MED12L: variants seen among roughly 807,000 people sequenced by gnomAD.
The protein encoded by MED12L is mediator of RNA polymerase II transcription subunit 12-like protein.
Under a neutral mutation model 281.3 loss-of-function variants are expected in MED12L, and 60 were observed. The ratio of observed to expected loss-of-function variants is 0.21; its 90% CI spans 0.17 to 0.26. The LOEUF is 0.26. Among genes scored for constraint, MED12L ranks in the 10% least tolerant of loss-of-function variants. The pLI, the probability that MED12L is intolerant of heterozygous loss-of-function variation, is 1.00. For synonymous variants in MED12L, 974 were observed against 987.2 expected (o/e 0.99, Z 0.25); for missense variants, 2,146 against 2,680.9 (o/e 0.80, Z 4.41).
Position 151,350,284 on chromosome 3 carries a change from C to A in MED12L, c.2398+78C>A, listed in dbSNP as rs573808295. On this transcript the variant is annotated intron_variant, in intron 17 of 44. Coordinates refer to ENST00000687756, the MANE Select transcript of MED12L (RefSeq NM_001393769.1). ...TGAGCACAGTCTTTATCAAAGTGTT[C>A]TATGTCACTGTCAACAGAGCGTTTC... The A allele has an allele frequency of 2.8e-6, 4 of 1,411,612 alleles. No individual in the cohort carries two copies. In the African/African-American group the frequency reaches 5.7e-5, roughly 20 times the overall value. 87.4% of individuals were successfully genotyped at this position (1,411,612 alleles called of 1,614,324 possible).
chr3:151,246,231 A>G (rs536854239), intron 16 of MED12L, among the ~76,000 whole-genome samples: 1 of 152,346 alleles, frequency 6.6e-6, no homozygotes, highest in South Asian at 2.1e-4. Flanking sequence ...ATCCCCATCA[A>G]GCTACCAATG....
intron 16 of MED12L, among the ~76,000 whole-genome samples, chr3:151,225,555 C>T (rs1173309474): frequency 6.6e-6 from 1 of 152,122 alleles, no homozygotes; most frequent in African/African-American, 2.4e-5. Context: ...CTCTTAATGC[C>T]GTCACAATGG....
At chr3:151,291,778 C>T (rs1232252352) in intron 16 of MED12L, among the ~76,000 whole-genome samples, 1 of 151,856 alleles carries the variant, frequency 6.6e-6, no homozygotes, top group Non-Finnish European at 1.5e-5. Context: ...TTTCATTGGC[C>T]TGGATAAATA....
At chr3:151,246,548 TG>T (rs1404920097) in intron 16 of MED12L, among the ~76,000 whole-genome samples, 2 of 152,122 alleles carry the variant, frequency 1.3e-5, no homozygotes, top group African/African-American at 2.4e-5. Flanking sequence ...TAAATGGTGC[TG>T]GGAAAACTGG....
chr3:151,383,991 A>C (rs1167919921), intron 34 of MED12L, 92 bp from the exon 35 acceptor site: 3 of 1,496,786 alleles, frequency 2.0e-6, no homozygotes, highest in Non-Finnish European at 2.7e-6. Flanking sequence ...CTTGGATGCT[A>C]TTAAAAATTC....
intron 19 of MED12L, 27 bp downstream of exon 19, chr3:151,356,066 C>T (rs1236254872): frequency 1.3e-6 from 2 of 1,594,270 alleles, no homozygotes; most frequent in Admixed American, 3.6e-5. Context: ...GTTTCTCTTA[C>T]TTTTAGGAAA....
At chr3:151,163,321 A>G (rs952944374) in intron 8 of MED12L, among the ~76,000 whole-genome samples, 1 of 152,204 alleles carries the variant, frequency 6.6e-6, no homozygotes, top group African/African-American at 2.4e-5. Flanking sequence ...TTTTTAATGC[A>G]TTATTAAAAC....
chr3:151,183,991 AGAGTG>A (rs1321231992), intron 11 of MED12L, among the ~76,000 whole-genome samples: 1 of 152,224 alleles, frequency 6.6e-6, no homozygotes, highest in Non-Finnish European at 1.5e-5. Flanking sequence ...CATATAGGTT[AGAGTG>A]AATCTGGGCA....
chr3:151,370,237 G>T (rs1205962135), intron 26 of MED12L, among the ~76,000 whole-genome samples: 2 of 152,234 alleles, frequency 1.3e-5, no homozygotes, highest in Admixed American at 6.5e-5. Context: ...TAAAGGCTTT[G>T]AATGATTAGG....
At chr3:151,257,606 ATT>A (rs1738070389) in intron 16 of MED12L, among the ~76,000 whole-genome samples, 1 of 152,200 alleles carries the variant, frequency 6.6e-6, no homozygotes, top group South Asian at 2.1e-4. Context: ...AAAAATAAAT[ATT>A]GTCTGTCATC....
intron 38 of MED12L, among the ~76,000 whole-genome samples, chr3:151,390,466 A>C (rs2108223457): frequency 6.6e-6 from 1 of 152,354 alleles, no homozygotes; most frequent in East Asian, 1.9e-4. Flanking sequence ...GGCATTTTAA[A>C]AGATTACACA....
chr3:151,329,483 T>A (rs1451516284), intron 16 of MED12L: 1 of 1,542,752 alleles, frequency 6.5e-7, no homozygotes, highest in Admixed American at 2.0e-5. Flanking sequence ...AAATTCACCT[T>A]TGGGAGGATA....
chr3:151,146,409 CACTTACCTTGTTGCTGTCT>C (rs1380141812), intron 5 of MED12L, among the ~76,000 whole-genome samples: 4 of 152,164 alleles, frequency 2.6e-5, no homozygotes, highest in Admixed American at 2.0e-4. Context: ...TACAATGGAG[CACTTACCTTGTTGCTGTCT>C]ACTTTTGTGT....
chr3:151,317,436 C>CCTTTT (rs1748412575), intron 16 of MED12L, among the ~76,000 whole-genome samples: 1 of 58,744 alleles, frequency 1.7e-5, no homozygotes, highest in Non-Finnish European at 3.1e-5. Flanking sequence ...AATCATATCA[C>CCTTTT]TTTTTTTTTT....
chr3:151,188,912 C>T (rs1723611016), intron 13 of MED12L, among the ~76,000 whole-genome samples: 1 of 152,138 alleles, frequency 6.6e-6, no homozygotes, highest in African/African-American at 2.4e-5. Flanking sequence ...AGCTGCTTCT[C>T]TACACTCTCT....
At position 151,411,519 on chromosome 3, in the gene MED12L, G is replaced by A; in HGVS notation, c.6140+12G>A. The A allele has an allele frequency of 6.2e-7, 1 of 1,609,916 alleles. No individual in the cohort carries two copies. The highest frequency in any genetic ancestry group is 8.5e-7 in the Non-Finnish European group (1 of 1,176,206). The stretch of plus-strand genomic sequence containing the variant: ...ACTGGCTCTCAGAGGTGATACATGT[G>A]GAAATGATGATGGCAATAATGAACA... On this transcript the variant is annotated intron_variant, in intron 41 of 44. Transcript: ENST00000687756.
chr3:151,369,649 G>C, intron 26 of MED12L, 100 bp downstream of exon 26: 1 of 703,982 alleles, frequency 1.4e-6, no homozygotes, highest in Non-Finnish European at 2.3e-6. Flanking sequence ...TTGGAAACAT[G>C]ATACTGTTTG....
chr3:151,289,487 A>G (rs1467869600), intron 16 of MED12L, among the ~76,000 whole-genome samples: 1 of 152,318 alleles, frequency 6.6e-6, no homozygotes, highest in East Asian at 1.9e-4. Flanking sequence ...GAGGTAATTC[A>G]TCGTTGGGTA....
chr3:151,121,905 G>C (rs560141314), intron 3 of MED12L, among the ~76,000 whole-genome samples: 2 of 151,434 alleles, frequency 1.3e-5, no homozygotes, highest in East Asian at 3.9e-4. Context: ...GTAGAGATGC[G>C]GTTTCACTGT....
Sources: gnomAD v4.1 joint callset for allele counts (sites outside exome capture counted in the v4.1 genomes callset) on GRCh38, gnomAD v4.1.1 for gene constraint, MANE v1.5 for transcripts, NCBI Gene and HGNC (gene_info 2026-07-23, HGNC 2026-07-21) for gene names.